The following SLC24A3 variants were observed in gnomAD, a reference collection of about 807,000 sequenced individuals.
SLC24A3 encodes sodium/potassium/calcium exchanger 3.
A neutral mutation model predicts 75.8 loss-of-function variants in SLC24A3; 28 were observed. The ratio of observed to expected loss-of-function variants is 0.37; its 90% CI spans 0.27 to 0.51. The LOEUF is 0.51. SLC24A3 is among the 20% of genes least tolerant of loss of function. The pLI is 0.94. For synonymous variants in SLC24A3, 372 were observed against 334.1 expected (o/e 1.11, Z -1.24); for missense variants, 663 against 847.8 (o/e 0.78, Z 2.71).
At chr20:19,681,050 C>T (rs1382112020) in intron 9 of SLC24A3, among the ~76,000 whole-genome samples, 2 of 152,098 alleles carry the variant, frequency 1.3e-5, no homozygotes, top group African/African-American at 4.8e-5. Flanking sequence ...CTGTCTTTGC[C>T]CGTGAGTTTT....
At chr20:19,306,715 G>A (rs1306281931) in intron 2 of SLC24A3, among the ~76,000 whole-genome samples, 1 of 152,056 alleles carries the variant, frequency 6.6e-6, no homozygotes, top group Non-Finnish European at 1.5e-5. Flanking sequence ...GGAAAGTAGG[G>A]AGGGGGTGAG....
chr20:19,284,533 C>A (rs2122228208), intron 2 of SLC24A3: 1 of 152,738 alleles, frequency 6.5e-6, no homozygotes, highest in East Asian at 1.9e-4. Flanking sequence ...GAGCAGGCTT[C>A]CCTCTGTGCT....
intron 1 of SLC24A3, among the ~76,000 whole-genome samples, chr20:19,253,323 A>G (rs900721956): frequency 6.6e-6 from 1 of 152,150 alleles, no homozygotes; most frequent in African/African-American, 2.4e-5. Flanking sequence ...GCTTCAAGAG[A>G]GGCATGAAAT....
At chr20:19,680,428 C>G (rs140893777) in intron 9 of SLC24A3, among the ~76,000 whole-genome samples, 1 of 152,198 alleles carries the variant, frequency 6.6e-6, no homozygotes, top group African/African-American at 2.4e-5. Context: ...CTTTCTCTGT[C>G]TGTAGTGTTG....
intron 2 of SLC24A3, among the ~76,000 whole-genome samples, chr20:19,394,773 T>C (rs1235274342): frequency 6.6e-6 from 1 of 152,202 alleles, no homozygotes; most frequent in East Asian, 1.9e-4. Context: ...TTGGAGGGAA[T>C]GTAAAATGGT....
At chr20:19,279,693 C>T (rs552356942) in intron 1 of SLC24A3, among the ~76,000 whole-genome samples, 100 of 152,324 alleles carry the variant, frequency 6.6e-4, no homozygotes, top group Non-Finnish European at 1.2e-3. Flanking sequence ...ATGTGCCTCC[C>T]ACCCTTCCCT....
chr20:19,670,510 A>G (rs1250805929), intron 8 of SLC24A3, among the ~76,000 whole-genome samples: 5 of 152,262 alleles, frequency 3.3e-5, no homozygotes, highest in African/African-American at 1.2e-4. Flanking sequence ...ATCTAAAAGA[A>G]TTAGAAAGAG....
intron 2 of SLC24A3, among the ~76,000 whole-genome samples, chr20:19,457,146 A>C: frequency 6.6e-6 from 1 of 152,068 alleles, no homozygotes; most frequent in East Asian, 1.9e-4. Flanking sequence ...CCTGGGATGT[A>C]AAGGGAAACC....
intron 8 of SLC24A3, among the ~76,000 whole-genome samples, chr20:19,671,896 G>A (rs2032472028): frequency 6.6e-6 from 1 of 152,076 alleles, no homozygotes; most frequent in Non-Finnish European, 1.5e-5. Context: ...ATGAGAGGAT[G>A]AACTGAAGGA....
chr20:19,575,790 ATAT>A (rs2122627207), intron 3 of SLC24A3, among the ~76,000 whole-genome samples: 1 of 152,338 alleles, frequency 6.6e-6, no homozygotes, highest in South Asian at 2.1e-4. Flanking sequence ...AAAAATAATA[ATAT>A]TGATAAAGAA....
intron 2 of SLC24A3, among the ~76,000 whole-genome samples, chr20:19,482,111 A>G (rs1443655509): frequency 6.6e-6 from 1 of 152,200 alleles, no homozygotes; most frequent in Admixed American, 6.5e-5. Flanking sequence ...ATGATCCTTC[A>G]AGAAATTCAG....
At chr20:19,575,113 G>A (rs559642941) in intron 3 of SLC24A3, among the ~76,000 whole-genome samples, 22 of 152,076 alleles carry the variant, frequency 1.4e-4, no homozygotes, top group East Asian at 7.7e-4. Flanking sequence ...AATGAAGGGC[G>A]TGGTGGCACA....
At chr20:19,472,018 A>T (rs994283099) in intron 2 of SLC24A3, among the ~76,000 whole-genome samples, 1 of 152,176 alleles carries the variant, frequency 6.6e-6, no homozygotes, top group African/African-American at 2.4e-5. Flanking sequence ...AAATTATTCA[A>T]TTTTTGCAAA....
chr20:19,386,353 T>C (rs996015848), intron 2 of SLC24A3, among the ~76,000 whole-genome samples: 5 of 152,224 alleles, frequency 3.3e-5, no homozygotes, highest in Admixed American at 6.5e-5. Flanking sequence ...TCTAAAATCA[T>C]GGCATCTGCA....
chr20:19,458,556 C>A (rs560498734), intron 2 of SLC24A3, among the ~76,000 whole-genome samples: 33 of 152,322 alleles, frequency 2.2e-4, no homozygotes, highest in African/African-American at 7.2e-4. Context: ...TAGCCCCTGG[C>A]AACCACCATT....
At chr20:19,242,820 A>G (rs865837458) in intron 1 of SLC24A3, among the ~76,000 whole-genome samples, 4 of 152,336 alleles carry the variant, frequency 2.6e-5, no homozygotes, top group Middle Eastern at 3.4e-3. Context: ...AACCTACTAG[A>G]CAAAATTTGC....
intron 7 of SLC24A3, among the ~76,000 whole-genome samples, chr20:19,660,738 C>T (rs879848487): frequency 6.6e-6 from 1 of 152,122 alleles, no homozygotes; most frequent in Non-Finnish European, 1.5e-5. Context: ...GGTCCTTCAG[C>T]TCGTTGTGCC....
intron 2 of SLC24A3, among the ~76,000 whole-genome samples, chr20:19,402,899 C>T (rs1262781794): frequency 2.6e-5 from 4 of 152,196 alleles, no homozygotes; most frequent in African/African-American, 9.7e-5. Flanking sequence ...GTGTCCAGGA[C>T]AGTGGCCACT....
At chr20:19,607,884 C>A (rs764247656) in intron 6 of SLC24A3, among the ~76,000 whole-genome samples, 10 of 152,212 alleles carry the variant, frequency 6.6e-5, no homozygotes, top group Non-Finnish European at 1.3e-4. Context: ...ATCCCAGTAG[C>A]CCTTTCTCAT....
Sources: allele counts gnomAD v4.1 joint callset (sites outside exome capture counted in the v4.1 genomes callset), GRCh38; gene constraint gnomAD v4.1.1; transcripts MANE v1.5; gene names NCBI Gene and HGNC (gene_info 2026-07-23, HGNC 2026-07-21).